ZCCHC7: variants seen among roughly 807,000 people sequenced by gnomAD.
ZCCHC7 encodes zinc finger CCHC-type containing 7.
ZCCHC7 carries 35 observed loss-of-function variants against 52.0 expected under a neutral mutation model. The observed-to-expected ratio is 0.67, with a 90% CI of 0.51 to 0.89. The LOEUF (loss-of-function observed/expected upper bound fraction) is 0.89. ZCCHC7 is among the 40% of genes least tolerant of loss of function. The probability of loss-of-function intolerance (pLI) is 0.00; values close to 1 mark genes in which losing one functional copy is unlikely to be tolerated. For missense variants in ZCCHC7, 574 were observed against 649.1 expected, an observed-to-expected ratio of 0.88 and a Z score of 1.26; for synonymous variants, 217 against 221.5, an observed-to-expected ratio of 0.98 and a Z score of 0.18.
At chr9:37,182,128 G>T (rs930263804) in intron 2 of ZCCHC7, among the ~76,000 whole-genome samples, 17 of 152,172 alleles carry the variant, frequency 1.1e-4, no homozygotes, top group African/African-American at 4.1e-4. Flanking sequence ...GTAATCTGAT[G>T]CTGTGAAGAC....
At chr9:37,194,868 T>A (rs950643960) in intron 2 of ZCCHC7, among the ~76,000 whole-genome samples, 7 of 152,158 alleles carry the variant, frequency 4.6e-5, no homozygotes, top group Admixed American at 3.9e-4. Context: ...TCTTTGTATG[T>A]TGTTGAGATC....
At chr9:37,240,974 A>G (rs1825850023) in intron 2 of ZCCHC7, among the ~76,000 whole-genome samples, 1 of 151,864 alleles carries the variant, frequency 6.6e-6, no homozygotes, top group Admixed American at 6.6e-5. Flanking sequence ...TAAAGTATTG[A>G]ATAAAATTTC....
rs1050941923 is a variant in ZCCHC7 at position 37,354,383 on chromosome 9, G to A, written c.1084-327G>A. Among the ~76,000 whole-genome samples the A allele has an allele frequency of 7.2e-5, 11 of 152,202 alleles. No individual in the cohort carries two copies. The East Asian group carries it at 7.7e-4, about 11-fold the overall frequency. ...AAAGGAGTAATACTAACATGAGGCC[G>A]AATAACATAAACCCACTAACAGAGC... On this transcript the variant is annotated intron_variant, in intron 7 of 8. Transcript: ENST00000336755. This position sits in a 1 kb window ranked among gnomAD's most constrained non-coding sequence, Gnocchi z 4.0.
intron 2 of ZCCHC7, among the ~76,000 whole-genome samples, chr9:37,220,892 T>C (rs2133259914): frequency 6.6e-6 from 1 of 152,280 alleles, no homozygotes; most frequent in Non-Finnish European, 1.5e-5. Flanking sequence ...TGGGGGCAAT[T>C]TTGTGAAGAC....
intron 2 of ZCCHC7, among the ~76,000 whole-genome samples, chr9:37,144,590 G>A (rs1410796008): frequency 6.6e-6 from 1 of 151,856 alleles, no homozygotes; most frequent in Non-Finnish European, 1.5e-5. Flanking sequence ...TTTCAGTCTT[G>A]TTGATTTAGA....
chr9:37,278,637 A>G (rs1827803803), intron 2 of ZCCHC7, among the ~76,000 whole-genome samples: 1 of 152,214 alleles, frequency 6.6e-6, no homozygotes, highest in South Asian at 2.1e-4. Flanking sequence ...AATTGTACAT[A>G]TTGAAGAGAT....
intron 2 of ZCCHC7, among the ~76,000 whole-genome samples, chr9:37,172,356 G>A (rs181180792): frequency 6.6e-6 from 1 of 152,226 alleles, no homozygotes; most frequent in East Asian, 1.9e-4. Flanking sequence ...ATAATTTTCT[G>A]AACTTTGCCG....
At chr9:37,196,956 A>G (rs1468881828) in intron 2 of ZCCHC7, among the ~76,000 whole-genome samples, 1 of 152,196 alleles carries the variant, frequency 6.6e-6, no homozygotes, top group Non-Finnish European at 1.5e-5. Context: ...TATTTTAGTC[A>G]TTATTAAAAT....
intron 2 of ZCCHC7, among the ~76,000 whole-genome samples, chr9:37,228,098 C>CT (rs1315204706): frequency 6.6e-6 from 1 of 152,064 alleles, no homozygotes; most frequent in Non-Finnish European, 1.5e-5. Flanking sequence ...TGCCCGGCCT[C>CT]TAATTCTTTA....
intron 2 of ZCCHC7, among the ~76,000 whole-genome samples, chr9:37,286,807 CCG>C: frequency 1.8e-5 from 1 of 55,128 alleles, no homozygotes; most frequent in Non-Finnish European, 3.5e-5. Flanking sequence ...TCCCTCCCCC[CCG>C]TTCCCGCCCT....
rs145285114 is a variant in ZCCHC7 at position 37,126,349 on chromosome 9, A to G, written c.17A>G (p.Tyr6Cys). The G allele has an allele frequency of 9.3e-6, 15 of 1,612,752 alleles. No homozygotes were observed. Among genetic ancestry groups the G allele is most frequent in the African/African-American group, 6.7e-5 (5 of 74,878 alleles). MMFGG[Y>C]ETIEAYEDDL... Reference sequence around the variant, plus strand: ...TGACTTTTTATGATGTTTGGTGGCTATGAGACTATAGAAGCATACGAAGAT... The same window carrying G: ...TGACTTTTTATGATGTTTGGTGGCTGTGAGACTATAGAAGCATACGAAGAT... The change falls in exon 2 of 9, where the codon TAT (tyrosine) becomes TGT (cysteine). Residue 6 changes from tyrosine (Y) to cysteine (C), a missense_variant. Physicochemically the swap from Tyr to Cys is radical, Grantham distance 194. Coordinates refer to ENST00000336755, the MANE Select transcript of ZCCHC7 (RefSeq NM_032226.3).
chr9:37,282,964 G>A, intron 2 of ZCCHC7, among the ~76,000 whole-genome samples: 1 of 150,616 alleles, frequency 6.6e-6, no homozygotes, highest in Non-Finnish European at 1.5e-5. Context: ...TGGAGATGTG[G>A]GGTGGGGTGG....
chr9:37,218,019 G>A (rs569350779), intron 2 of ZCCHC7, among the ~76,000 whole-genome samples: 1 of 152,148 alleles, frequency 6.6e-6, no homozygotes, highest in South Asian at 2.1e-4. Context: ...TCATCTTCTA[G>A]TTCTTTTTGC....
chr9:37,302,479 T>C (rs765749801), intron 3 of ZCCHC7, among the ~76,000 whole-genome samples: 5 of 152,154 alleles, frequency 3.3e-5, no homozygotes, highest in Admixed American at 6.5e-5. Flanking sequence ...TCAGCCCATA[T>C]GGCCTGGTAC....
chr9:37,120,796 C>G (rs1174887604), intron 1 of ZCCHC7, 173 bp downstream of exon 1: 5 of 317,068 alleles, frequency 1.6e-5, no homozygotes, highest in Non-Finnish European at 2.9e-5. Flanking sequence ...CTGCGCGCCG[C>G]CCCACGCGGC....
intron 6 of ZCCHC7, among the ~76,000 whole-genome samples, chr9:37,338,641 T>A (rs1219526403): frequency 6.6e-6 from 1 of 152,184 alleles, no homozygotes; most frequent in Non-Finnish European, 1.5e-5. Context: ...AGAATCTTTT[T>A]TCCAATATGG....
At chr9:37,276,024 G>A (rs926993446) in intron 2 of ZCCHC7, among the ~76,000 whole-genome samples, 1 of 152,206 alleles carries the variant, frequency 6.6e-6, no homozygotes, top group Non-Finnish European at 1.5e-5. Flanking sequence ...CCCATTGTCT[G>A]CATCCTTGCG....
At chr9:37,260,976 TTTTG>T (rs899747570) in intron 2 of ZCCHC7, among the ~76,000 whole-genome samples, 61 of 152,352 alleles carry the variant, frequency 4.0e-4, no homozygotes, top group African/African-American at 1.3e-3. Context: ...TCTGATCTTT[TTTTG>T]TTTGTTCGTT....
chr9:37,325,773 G>A (rs780067791), intron 5 of ZCCHC7, among the ~76,000 whole-genome samples: 4 of 152,084 alleles, frequency 2.6e-5, no homozygotes, highest in Non-Finnish European at 4.4e-5. Flanking sequence ...AGAATGTTGA[G>A]TAAAAATACT....
Sources: allele counts gnomAD v4.1 joint callset (sites outside exome capture counted in the v4.1 genomes callset), GRCh38; gene constraint gnomAD v4.1.1; non-coding constraint Gnocchi (gnomAD v3.1); transcripts MANE v1.5; gene names NCBI Gene and HGNC (gene_info 2026-07-23, HGNC 2026-07-21).